Variants in LINGO2 observed in about 807,000 individuals in gnomAD.
The protein encoded by LINGO2 is leucine-rich repeat and immunoglobulin-like domain-containing nogo receptor-interacting protein 2.
A neutral mutation model predicts 30.6 loss-of-function variants in LINGO2; 14 were observed. The ratio of observed to expected loss-of-function variants is 0.46; its 90% CI spans 0.30 to 0.72. The LOEUF is 0.72. Ranked by LOEUF, LINGO2 falls within the 30% of genes least tolerant of loss-of-function variation. The probability of loss-of-function intolerance (pLI) is 0.07; values close to 1 mark genes in which losing one functional copy is unlikely to be tolerated. For missense variants in LINGO2, 729 were observed against 751.7 expected, an observed-to-expected ratio of 0.97 and a Z score of 0.35; for synonymous variants, 317 against 288.5, an observed-to-expected ratio of 1.10 and a Z score of -1.00.
intron 3 of LINGO2, among the ~76,000 whole-genome samples, chr9:28,350,349 C>A (rs1387264771): frequency 1.4e-5 from 2 of 144,486 alleles, no homozygotes; most frequent in Non-Finnish European, 3.1e-5. Context: ...GGGTTGCAAT[C>A]CTAGTCTCTG....
chr9:28,768,627 C>T, the LINGO2 span, among the ~76,000 whole-genome samples: 1 of 151,272 alleles, frequency 6.6e-6, no homozygotes, highest in East Asian at 1.9e-4. Flanking sequence ...CACACACACA[C>T]ACACACACAC....
At chr9:28,241,267 C>CA (rs1164724626) in intron 4 of LINGO2, among the ~76,000 whole-genome samples, 12,633 of 82,082 alleles carry the variant, frequency 0.15, 1,157 homozygotes, top group East Asian at 0.2. Flanking sequence ...GACCCTGTCT[C>CA]AAAAAAAAAA....
the LINGO2 span, among the ~76,000 whole-genome samples, chr9:29,075,167 G>T: frequency 1.8e-3 from 276 of 152,094 alleles, 1 homozygote; most frequent in African/African-American, 6.3e-3. Context: ...CAGGATTCAG[G>T]CTATTCTACT....
At chr9:28,203,547 A>G (rs1410552747) in intron 4 of LINGO2, among the ~76,000 whole-genome samples, 1 of 152,224 alleles carries the variant, frequency 6.6e-6, no homozygotes, top group Non-Finnish European at 1.5e-5. Context: ...GCTGAATTAC[A>G]GTAAGCATTG....
At chr9:28,270,655 C>A (rs556561376) in intron 4 of LINGO2, among the ~76,000 whole-genome samples, 8 of 152,106 alleles carry the variant, frequency 5.3e-5, no homozygotes, top group African/African-American at 1.7e-4. Context: ...CAGATCACGA[C>A]TGAATATGTT....
At chr9:29,098,708 T>C in the LINGO2 span, among the ~76,000 whole-genome samples, 1 of 152,162 alleles carries the variant, frequency 6.6e-6, no homozygotes, top group Non-Finnish European at 1.5e-5. Context: ...ATACTGCTGA[T>C]ATTGTACTTT....
the LINGO2 span, among the ~76,000 whole-genome samples, chr9:29,131,482 C>T: frequency 1.3e-5 from 2 of 151,990 alleles, no homozygotes; most frequent in Non-Finnish European, 2.9e-5. Context: ...ATCCCAATCC[C>T]CGCTCTATTT....
chr9:28,841,769 T>C, the LINGO2 span, among the ~76,000 whole-genome samples: 1 of 151,550 alleles, frequency 6.6e-6, no homozygotes, highest in Non-Finnish European at 1.5e-5. Flanking sequence ...GTTACAGGTA[T>C]CAAACAAAAA....
At chr9:28,053,650 G>A (rs961379232) in intron 4 of LINGO2, among the ~76,000 whole-genome samples, 1 of 152,016 alleles carries the variant, frequency 6.6e-6, no homozygotes, top group African/African-American at 2.4e-5. Context: ...TGCAAATCAA[G>A]ATCACCTGGG....
chr9:28,424,446 G>T (rs1427493825), intron 2 of LINGO2, among the ~76,000 whole-genome samples: 1 of 152,026 alleles, frequency 6.6e-6, no homozygotes, highest in Non-Finnish European at 1.5e-5. Flanking sequence ...GTGGTCGCTT[G>T]GAATCAGTCA....
chr9:29,198,763 C>A, the LINGO2 span, among the ~76,000 whole-genome samples: 1 of 152,140 alleles, frequency 6.6e-6, no homozygotes, highest in East Asian at 1.9e-4. Flanking sequence ...AAGAAACAAT[C>A]TGCTGAAAGA....
chr9:28,012,550 G>T (rs908762475), intron 4 of LINGO2: 2 of 152,046 alleles, frequency 1.3e-5, no homozygotes, highest in African/African-American at 4.8e-5. Context: ...AGTTTTACAA[G>T]ACGTAGCCTG....
the LINGO2 span, among the ~76,000 whole-genome samples, chr9:28,725,420 T>C: frequency 4.0e-5 from 6 of 151,772 alleles, no homozygotes; most frequent in Non-Finnish European, 7.4e-5. Context: ...TTGAAGGTAT[T>C]CAACACAATA....
chr9:28,863,184 C>T, the LINGO2 span, among the ~76,000 whole-genome samples: 8 of 152,078 alleles, frequency 5.3e-5, no homozygotes, highest in South Asian at 1.7e-3. Context: ...TACTGCATAA[C>T]AATGATGTCT....
At chr9:28,683,850 G>A in the LINGO2 span, among the ~76,000 whole-genome samples, 93 of 152,264 alleles carry the variant, frequency 6.1e-4, no homozygotes, top group African/African-American at 2.2e-3. Flanking sequence ...CATAGTAGAT[G>A]CTCATTAGAT....
At chr9:28,478,577 A>T (rs963804633) in intron 1 of LINGO2, among the ~76,000 whole-genome samples, 4 of 152,066 alleles carry the variant, frequency 2.6e-5, no homozygotes, top group African/African-American at 9.7e-5. Context: ...AAGATTCTTG[A>T]ATGATTCCTA....
the LINGO2 span, among the ~76,000 whole-genome samples, chr9:28,711,303 A>G: frequency 6.6e-6 from 1 of 152,116 alleles, no homozygotes; most frequent in South Asian, 2.1e-4. Context: ...TTAACAGCTT[A>G]GTGATCAAAT....
At chr9:28,047,022 A>G (rs973307338) in intron 4 of LINGO2, among the ~76,000 whole-genome samples, 2 of 152,128 alleles carry the variant, frequency 1.3e-5, no homozygotes, top group African/African-American at 4.8e-5. Flanking sequence ...GGCCTCCCCT[A>G]GCAGCCCCTA....
chr9:29,164,664 C>A, the LINGO2 span, among the ~76,000 whole-genome samples: 1 of 151,918 alleles, frequency 6.6e-6, no homozygotes, highest in African/African-American at 2.4e-5. Flanking sequence ...AGAATTTCTA[C>A]AAATATTAAA....
Sources: gnomAD v4.1 joint callset for allele counts (sites outside exome capture counted in the v4.1 genomes callset) on GRCh38, gnomAD v4.1.1 for gene constraint, MANE v1.5 for transcripts, NCBI Gene and HGNC (gene_info 2026-07-23, HGNC 2026-07-21) for gene names.